PHF20L1: variants seen among roughly 807,000 people sequenced by gnomAD.
PHF20L1 encodes PHD finger protein 20-like protein 1.
PHF20L1 carries 44 observed loss-of-function variants against 125.5 expected under a neutral mutation model. The ratio of observed to expected loss-of-function variants is 0.35; its 90% CI spans 0.28 to 0.45. The LOEUF (loss-of-function observed/expected upper bound fraction) is 0.45, where lower values mean the gene tolerates loss of function less well. Among genes scored for constraint, PHF20L1 ranks in the 20% least tolerant of loss-of-function variants. The probability of loss-of-function intolerance (pLI) is 1.00; values close to 1 mark genes in which losing one functional copy is unlikely to be tolerated. For missense variants in PHF20L1, 1,012 were observed against 1,217.2 expected (o/e 0.83, Z 2.51); for synonymous variants, 380 against 403.1 (o/e 0.94, Z 0.69).
intron 15 of PHF20L1, among the ~76,000 whole-genome samples, chr8:132,835,372 A>C (rs959342134): frequency 2.0e-5 from 3 of 152,058 alleles, no homozygotes; most frequent in Non-Finnish European, 2.9e-5. Context: ...GCATTATACG[A>C]TGTTCTGTTT....
chr8:132,812,554 C>A, intron 9 of PHF20L1: 6 of 984,588 alleles, frequency 6.1e-6, no homozygotes, highest in Non-Finnish European at 6.0e-6. Flanking sequence ...AAGAGACCAA[C>A]AATCATTAAT....
In PHF20L1 at chr8:132,803,810, C is replaced by T. The variant is rs777545781; in HGVS notation, c.508-9C>T. ...AATACTTCACATGTTTTGTGTTTTT[C>T]CTTTGGAGGATTGGATAGCTTTAGT... On this transcript the variant is annotated splice_polypyrimidine_tract_variant and intron_variant, in intron 6 of 20. Coordinates refer to ENST00000395386, the MANE Select transcript of PHF20L1 (RefSeq NM_016018.5). 5 of 1,529,670 alleles carry T rather than the reference C, an allele frequency of 3.3e-6. No individual in the cohort carries two copies. Among genetic ancestry groups the T allele is most frequent in the East Asian group, 2.3e-5 (1 of 42,692 alleles). The allele number at this position is 1,529,670 out of a possible 1,614,324, so 94.8% of individuals were successfully genotyped here. A position where few individuals can be genotyped will look rare whatever the true frequency, so the allele number is the denominator to read the frequency against.
chr8:132,829,347 A>G (rs947319655), intron 14 of PHF20L1, among the ~76,000 whole-genome samples: 1 of 152,136 alleles, frequency 6.6e-6, no homozygotes, highest in Non-Finnish European at 1.5e-5. Flanking sequence ...GGTTATTTAA[A>G]TTCTCTACAT....
chr8:132,781,861 C>T (rs2131323155), intron 2 of PHF20L1, among the ~76,000 whole-genome samples: 1 of 152,290 alleles, frequency 6.6e-6, no homozygotes, highest in African/African-American at 2.4e-5. Flanking sequence ...ATCTTAGTCC[C>T]AGTATTTGCT....
At chr8:132,828,854 A>C (rs1836476012) in intron 14 of PHF20L1, among the ~76,000 whole-genome samples, 1 of 152,092 alleles carries the variant, frequency 6.6e-6, no homozygotes, top group South Asian at 2.1e-4. Flanking sequence ...AGAGAATTGA[A>C]AGCATTGCAT....
intron 18 of PHF20L1, 35 bp downstream of exon 18, chr8:132,839,617 C>A: frequency 6.7e-7 from 1 of 1,487,718 alleles, no homozygotes; most frequent in Non-Finnish European, 9.4e-7. Flanking sequence ...GGTCACACTT[C>A]AGTGGACGTT....
chr8:132,780,775 T>C (rs1830330593), intron 2 of PHF20L1, among the ~76,000 whole-genome samples: 1 of 152,054 alleles, frequency 6.6e-6, no homozygotes, highest in Non-Finnish European at 1.5e-5. Flanking sequence ...AAATCACCTT[T>C]TGAAGAGAAG....
Position 132,796,514 on chromosome 8 carries a change from C to T in PHF20L1, c.340+1697C>T, listed in dbSNP as rs575355315. ...AAATCATAGTAGTCTAGCTAGAAAT[C>T]ATGATATAACTTTATAAAGACCTTA... On this transcript the variant is annotated intron_variant, in intron 4 of 20. Coordinates refer to ENST00000395386, the MANE Select transcript of PHF20L1 (RefSeq NM_016018.5). Among the ~76,000 whole-genome samples the T allele has an allele frequency of 9.2e-5, 14 of 152,154 alleles. 1 individual carries two copies. The South Asian group carries it at 2.7e-3, about 29-fold the overall frequency.
chr8:132,844,155 G>T lies in PHF20L1; in HGVS notation c.2749-1G>T. The T allele has an allele frequency of 6.2e-7, 1 of 1,611,504 alleles. No homozygotes were observed. Among genetic ancestry groups the T allele is most frequent in the Non-Finnish European group, 8.5e-7 (1 of 1,178,568 alleles). On this transcript the variant is annotated splice_acceptor_variant, in intron 19 of 20. Coordinates refer to ENST00000395386, the MANE Select transcript of PHF20L1 (RefSeq NM_016018.5). LOFTEE classifies it high-confidence loss of function. ...TATTTTCCAATGGTCCTTTGGAGAA[G>T]AATCCAGCTGAAGGGAATACAGTAT...
chr8:132,829,424 TTAAA>T (rs1314898820), intron 14 of PHF20L1, among the ~76,000 whole-genome samples: 1 of 152,108 alleles, frequency 6.6e-6, no homozygotes, highest in African/African-American at 2.4e-5. Context: ...ATTATTCGAA[TTAAA>T]TAAAGTAATC....
chr8:132,845,873 C>G lies in PHF20L1; in HGVS notation c.3004C>G (p.Leu1002Val). The change falls in exon 21 of 21, where the codon CTA becomes GTA. Residue 1002 changes from leucine to valine, a missense_variant. Transcript: ENST00000395386. ...PQLKRHIKQL[L>V]IDMGKVQQIA... ...ACTTAAACGCCACATAAAACAGCTC[C>G]TAATTGACATGGGCAAAGTACAGCA... is the stretch of plus-strand genomic sequence containing the variant. 1 of 1,612,352 alleles carries G rather than the reference C, an allele frequency of 6.2e-7. No homozygotes were observed. Among genetic ancestry groups the G allele is most frequent in the Non-Finnish European group, 8.5e-7 (1 of 1,178,744 alleles).
chr8:132,803,517 C>A, intron 6 of PHF20L1: 1 of 296,262 alleles, frequency 3.4e-6, no homozygotes, highest in South Asian at 4.7e-5. Context: ...ATGTAGTATT[C>A]CATATCTGCC....
intron 4 of PHF20L1, among the ~76,000 whole-genome samples, chr8:132,795,063 A>G (rs1008726138): frequency 8.5e-5 from 13 of 152,164 alleles, no homozygotes; most frequent in South Asian, 2.1e-4. Context: ...TCAACTTTCA[A>G]TTCACAGGCT....
intron 20 of PHF20L1, among the ~76,000 whole-genome samples, chr8:132,845,299 G>C (rs1838322244): frequency 6.6e-6 from 1 of 151,996 alleles, no homozygotes; most frequent in Non-Finnish European, 1.5e-5. Flanking sequence ...AGAACACTGA[G>C]AAATTGCTAC....
At chr8:132,806,930 C>T (rs967937949) in intron 8 of PHF20L1, 2 of 151,868 alleles carry the variant, frequency 1.3e-5, no homozygotes, top group Admixed American at 6.6e-5. Context: ...AACTTTAATT[C>T]ATATATTTAT....
chr8:132,805,791 G>A (rs1019314368), intron 8 of PHF20L1, among the ~76,000 whole-genome samples: 1 of 151,804 alleles, frequency 6.6e-6, no homozygotes, highest in Non-Finnish European at 1.5e-5. Flanking sequence ...ATTATAATTG[G>A]TTTTAGCAGG....
intron 2 of PHF20L1, among the ~76,000 whole-genome samples, chr8:132,784,563 A>G (rs1830798451): frequency 6.6e-6 from 1 of 152,182 alleles, no homozygotes. Context: ...GGCAGAGGTA[A>G]GATAGACAAA....
Position 132,845,878 on chromosome 8 carries a change from T to C in PHF20L1, c.3009T>C (p.Ile1003=). 1 of 1,612,394 alleles carries C rather than the reference T, an allele frequency of 6.2e-7. No individual in the cohort carries two copies. The highest frequency in any genetic ancestry group is 1.7e-5 in the Admixed American group (1 of 59,824). The stretch of plus-strand genomic sequence containing the variant: ...AACGCCACATAAAACAGCTCCTAAT[T>C]GACATGGGCAAAGTACAGCAGATAG... ...QLKRHIKQLL[I]DMGKVQQIAT... is the part of the protein sequence containing the mutation. The change falls in exon 21 of 21, where the codon ATT becomes ATC. Residue 1003 remains isoleucine, a synonymous_variant. Coordinates refer to ENST00000395386, the MANE Select transcript of PHF20L1 (RefSeq NM_016018.5).
rs115701454 is a variant in PHF20L1, at chr8:132,835,565, C to T, written c.1910-975C>T. Among the ~76,000 whole-genome samples, 1,276 of 152,218 alleles carry T rather than the reference C, an allele frequency of 8.4e-3. 20 individuals are homozygous for T. The highest frequency in any genetic ancestry group is 0.029 in the African/African-American group (1,197 of 41,540). On this transcript the variant is annotated intron_variant, in intron 15 of 20. Transcript: ENST00000395386. The stretch of plus-strand genomic sequence containing the variant: ...TGGCATTGTCACTATTATACACACA[C>T]GCCTAAAACCTGACATGTAAATTGA...
Sources: allele counts gnomAD v4.1 joint callset (sites outside exome capture counted in the v4.1 genomes callset), GRCh38; gene constraint gnomAD v4.1.1; transcripts MANE v1.5; gene names NCBI Gene and HGNC (gene_info 2026-07-23, HGNC 2026-07-21).